The following NUP214 variants were observed in gnomAD, a reference collection of about 807,000 sequenced individuals.
The protein encoded by NUP214 is nuclear pore complex protein Nup214.
Under a neutral mutation model 196.2 loss-of-function variants are expected in NUP214, and 79 were observed. That is an observed-to-expected ratio of 0.40 (90% CI 0.34 to 0.49). The LOEUF (loss-of-function observed/expected upper bound fraction) is 0.49. Ranked by LOEUF, NUP214 falls within the 20% of genes least tolerant of loss-of-function variation. NUP214 has a pLI of 0.58. For missense variants in NUP214, 2,468 were observed against 2,539.0 expected, an observed-to-expected ratio of 0.97 and a Z score of 0.60; for synonymous variants, 1,020 against 990.5, an observed-to-expected ratio of 1.03 and a Z score of -0.56.
intron 17 of NUP214, among the ~76,000 whole-genome samples, chr9:131,154,818 G>A (rs1004961060): frequency 1.3e-5 from 2 of 150,670 alleles, no homozygotes; most frequent in African/African-American, 2.4e-5. Context: ...TGGCTGAGTA[G>A]TAGTAGTTGT....
intron 17 of NUP214, among the ~76,000 whole-genome samples, chr9:131,155,386 A>G (rs1317575211): frequency 1.3e-5 from 2 of 152,174 alleles, no homozygotes; most frequent in Non-Finnish European, 2.9e-5. Context: ...GATTCTGGAT[A>G]TTAGTCCATT....
chr9:131,202,196 A>C (rs563717535), intron 30 of NUP214, among the ~76,000 whole-genome samples: 4 of 151,948 alleles, frequency 2.6e-5, no homozygotes, highest in Non-Finnish European at 5.9e-5. Flanking sequence ...TGCTGGCCTC[A>C]AACGATCCTC....
chr9:131,182,948 C>G (rs921407596), intron 24 of NUP214, among the ~76,000 whole-genome samples: 40 of 152,166 alleles, frequency 2.6e-4, no homozygotes, highest in African/African-American at 9.2e-4. Flanking sequence ...TCAAGTGATA[C>G]TATATTACTA....
chr9:131,150,265 A>T (rs1025480378), intron 14 of NUP214, 59 bp from the exon 15 acceptor site: 6 of 1,443,804 alleles, frequency 4.2e-6, no homozygotes, highest in African/African-American at 2.8e-5. Flanking sequence ...ATAGGCTCTG[A>T]TATAATTGCT....
chr9:131,208,061 G>A (rs992816629), intron 30 of NUP214, among the ~76,000 whole-genome samples: 1 of 152,232 alleles, frequency 6.6e-6, no homozygotes, highest in Non-Finnish European at 1.5e-5. Context: ...CATTTAAAAA[G>A]TAAAAAATAA....
intron 9 of NUP214, among the ~76,000 whole-genome samples, chr9:131,136,996 C>A (rs1370208878): frequency 1.3e-5 from 2 of 152,246 alleles, no homozygotes; most frequent in East Asian, 1.9e-4. Context: ...TGGCATTTAT[C>A]TGTCACTCTC....
intron 9 of NUP214, among the ~76,000 whole-genome samples, chr9:131,138,188 C>T (rs138551946): frequency 6.6e-6 from 1 of 150,726 alleles, no homozygotes; most frequent in Non-Finnish European, 1.5e-5. Context: ...CTTCTCCTTC[C>T]TTTTCCTTCC....
intron 30 of NUP214, among the ~76,000 whole-genome samples, chr9:131,202,647 C>T: frequency 6.6e-6 from 1 of 151,798 alleles, no homozygotes; most frequent in East Asian, 1.9e-4. Context: ...GTTGCCCAGG[C>T]TGGTCTGGTC....
chr9:131,136,228 C>T (rs1407995499), intron 9 of NUP214, among the ~76,000 whole-genome samples: 3 of 152,174 alleles, frequency 2.0e-5, no homozygotes, highest in African/African-American at 7.2e-5. Context: ...TTAGTAGTGA[C>T]TGGGTTTCGC....
chr9:131,146,066 C>A lies in NUP214; in HGVS notation c.1770-63C>A. On this transcript the variant is annotated intron_variant, in intron 12 of 35. Transcript: ENST00000359428. The surrounding 1 kb of genome is among the most constrained non-coding windows in gnomAD (Gnocchi z 4.6). Reference sequence around the variant, plus strand: ...TAAGTTATCTTTTGATGACATTGCTCATGCTAGTGTAAAAGAATCTTCTAG... The same window carrying A: ...TAAGTTATCTTTTGATGACATTGCTAATGCTAGTGTAAAAGAATCTTCTAG... The A allele has an allele frequency of 7.0e-7, 1 of 1,422,784 alleles. No individual in the cohort carries two copies. Among genetic ancestry groups the A allele is most frequent in the South Asian group, 1.2e-5 (1 of 85,520 alleles). 88.1% of individuals were successfully genotyped at this position (1,422,784 alleles called of 1,614,324 possible).
rs759252505 is a variant in NUP214 at position 131,163,203 on chromosome 9, T to C, written c.2723+30T>C. 3.8e-6 allele frequency: 6 copies of C among 1,578,046 alleles called. No homozygotes were observed. The South Asian group carries it at 5.8e-5, about 15-fold the overall frequency. On this transcript the variant is annotated intron_variant, in intron 19 of 35. Transcript: ENST00000359428. ...GGAGAGGACTTGCACTCAATAAATA[T>C]GGGTGAATGAATGCATGAACATTTA... is the stretch of plus-strand genomic sequence containing the variant.
intron 14 of NUP214, among the ~76,000 whole-genome samples, chr9:131,148,201 A>G (rs1832141125): frequency 6.6e-6 from 1 of 152,014 alleles, no homozygotes; most frequent in Admixed American, 6.5e-5. Flanking sequence ...TTGATTTCCA[A>G]CAGCATAGAT....
chr9:131,195,705 C>CA (rs1216045821), intron 28 of NUP214: 1 of 171,410 alleles, frequency 5.8e-6, no homozygotes, highest in Non-Finnish European at 1.2e-5. Context: ...TACCAGCAAA[C>CA]ACACTCATCC....
intron 25 of NUP214, among the ~76,000 whole-genome samples, chr9:131,188,082 G>A (rs933652130): frequency 2.0e-5 from 3 of 152,336 alleles, no homozygotes; most frequent in Non-Finnish European, 4.4e-5. Flanking sequence ...AAACTCTCAC[G>A]ATTAGTAAAT....
At chr9:131,178,990 GTTT>G (rs151176528) in intron 24 of NUP214, among the ~76,000 whole-genome samples, 1,630 of 151,678 alleles carry the variant, frequency 0.011, 26 homozygotes, top group African/African-American at 0.038. Flanking sequence ...TGTTGTTGTT[GTTT>G]TTTGTTTTTT....
chr9:131,139,231 T>TTTTTC, intron 9 of NUP214, 50 bp from the exon 10 acceptor site: 1 of 1,447,282 alleles, frequency 6.9e-7, no homozygotes, highest in Admixed American at 2.9e-5. Context: ...CCAACATGGC[T>TTTTTC]TTTTCTTTTT....
In NUP214 at chr9:131,206,896, G is replaced by A. The variant is rs533158246; in HGVS notation, c.5592+5179G>A. On this transcript the variant is annotated intron_variant, in intron 30 of 35. Transcript: ENST00000359428. ...CTTCCACTCCGTATTCTTCCACCACGGAAATTATGTATGCAATTGGAAGGG... is the reference window on the plus strand; with the variant it reads ...CTTCCACTCCGTATTCTTCCACCACAGAAATTATGTATGCAATTGGAAGGG... 6.6e-5 allele frequency among the ~76,000 whole-genome samples: 10 copies of A among 152,296 alleles called. No homozygotes were observed. In the South Asian group the frequency reaches 1.9e-3, roughly 28 times the overall value.
At chr9:131,130,147 T>TTG (rs1554728085) in intron 4 of NUP214, among the ~76,000 whole-genome samples, 2 of 109,618 alleles carry the variant, frequency 1.8e-5, no homozygotes, top group Admixed American at 8.9e-5. Context: ...GTTTTTTTTT[T>TTG]TTTGTTTTTT....
intron 26 of NUP214, chr9:131,190,232 A>G (rs1833560974): frequency 2.1e-6 from 1 of 466,642 alleles, no homozygotes; most frequent in Admixed American, 4.2e-5. Context: ...ATTATATAGT[A>G]GAACTGTCAA....
Sources: gnomAD v4.1 joint callset for allele counts (sites outside exome capture counted in the v4.1 genomes callset) on GRCh38, gnomAD v4.1.1 for gene constraint, Gnocchi (gnomAD v3.1) non-coding constraint, MANE v1.5 for transcripts, NCBI Gene and HGNC (gene_info 2026-07-23, HGNC 2026-07-21) for gene names.